The following DNER variants were observed in gnomAD, a reference collection of about 807,000 sequenced individuals.
The protein encoded by DNER is delta/notch like EGF repeat containing.
DNER carries 33 observed loss-of-function variants against 78.2 expected under a neutral mutation model. The ratio of observed to expected loss-of-function variants is 0.42; its 90% CI spans 0.32 to 0.56. DNER has a LOEUF of 0.56. Among genes scored for constraint, DNER ranks in the 20% least tolerant of loss-of-function variants. The pLI is 0.11. For missense variants in DNER, 918 were observed against 975.3 expected (o/e 0.94, Z 0.78); for synonymous variants, 417 against 384.8 (o/e 1.08, Z -0.98).
intron 7 of DNER, among the ~76,000 whole-genome samples, chr2:229,455,165 G>A (rs192364285): frequency 1.3e-5 from 2 of 152,144 alleles, no homozygotes; most frequent in East Asian, 3.9e-4. Flanking sequence ...TTTTACAAAT[G>A]ACTCACATCT....
At chr2:229,635,414 A>C (rs1347736134) in intron 1 of DNER, among the ~76,000 whole-genome samples, 3 of 151,254 alleles carry the variant, frequency 2.0e-5, no homozygotes, top group East Asian at 2.0e-4. Context: ...ATGTCTACCA[A>C]GGGTACAAAG....
rs545503007 is a variant in DNER at position 229,429,432 on chromosome 2, G to C, written c.1487-11202C>G. 2.0e-4 allele frequency among the ~76,000 whole-genome samples: 30 copies of C among 152,220 alleles called. No homozygotes were observed. The South Asian group carries it at 6.3e-3, about 32-fold the overall frequency. On this transcript the variant is annotated intron_variant, in intron 8 of 12. Transcript: ENST00000341772. ...GGAGGAGTTTCTGCCTCTCCCTTAG[G>C]AGGACACGGGCCTGGCATTGTCCGT...
rs562384615 is a variant in DNER, at chr2:229,487,537, A to C, written c.1148-10284T>G. On this transcript the variant is annotated intron_variant, in intron 6 of 12. Transcript: ENST00000341772. Reference sequence around the variant, plus strand: ...TGACTACTCCTGAGAAGTTGAAATCAAAAGAAAGAAAACATTAGATTAATT... The same window carrying C: ...TGACTACTCCTGAGAAGTTGAAATCCAAAGAAAGAAAACATTAGATTAATT... 1.7e-4 allele frequency among the ~76,000 whole-genome samples: 26 copies of C among 152,386 alleles called. No individual in the cohort carries two copies. In the East Asian group the frequency reaches 3.1e-3, roughly 18 times the overall value.
At chr2:229,700,100 A>AT in intron 1 of DNER, among the ~76,000 whole-genome samples, 1 of 152,198 alleles carries the variant, frequency 6.6e-6, no homozygotes, top group East Asian at 1.9e-4. Flanking sequence ...CTCATTCATA[A>AT]TTTTTTAAAT....
rs978813466 is a variant in DNER at position 229,560,838 on chromosome 2, G to A, written c.848-13746C>T. On this transcript the variant is annotated intron_variant, in intron 4 of 12. Transcript: ENST00000341772. ...GGACTCAGATGTCCTTCCATTACACGTAAGCAGAACGCAGTCCAAACCAGG... is the reference window on the plus strand; with the variant it reads ...GGACTCAGATGTCCTTCCATTACACATAAGCAGAACGCAGTCCAAACCAGG... 2.6e-5 allele frequency among the ~76,000 whole-genome samples: 4 copies of A among 152,170 alleles called. No homozygotes were observed. In the East Asian group the frequency reaches 5.8e-4, roughly 22 times the overall value.
chr2:229,622,064 C>T (rs541189754), intron 1 of DNER, among the ~76,000 whole-genome samples: 9 of 151,996 alleles, frequency 5.9e-5, no homozygotes, highest in Non-Finnish European at 1.2e-4. Context: ...CCAGCCTGGG[C>T]GACAGAGCGA....
chr2:229,575,554 G>A (rs561043896), intron 4 of DNER, among the ~76,000 whole-genome samples: 2 of 152,260 alleles, frequency 1.3e-5, no homozygotes, highest in South Asian at 2.1e-4. Flanking sequence ...GGGGGACCAG[G>A]GATCTTCCTT....
intron 11 of DNER, among the ~76,000 whole-genome samples, chr2:229,378,279 A>G (rs1011565631): frequency 2.0e-5 from 3 of 152,158 alleles, no homozygotes; most frequent in Admixed American, 2.0e-4. Flanking sequence ...AAGCCACTCA[A>G]TTTGTGGTAA....
chr2:229,572,169 C>A (rs1697229535), intron 4 of DNER, among the ~76,000 whole-genome samples: 1 of 152,160 alleles, frequency 6.6e-6, no homozygotes, highest in East Asian at 1.9e-4. Context: ...TTCCCCTTTA[C>A]CCCAAATGCC....
intron 5 of DNER, among the ~76,000 whole-genome samples, chr2:229,530,275 C>G (rs1696278592): frequency 6.6e-6 from 1 of 152,096 alleles, no homozygotes; most frequent in Non-Finnish European, 1.5e-5. Flanking sequence ...TGCCACTGTG[C>G]AAAAACAAAA....
chr2:229,533,176 A>G (rs1033932880), intron 5 of DNER, among the ~76,000 whole-genome samples: 1 of 152,230 alleles, frequency 6.6e-6, no homozygotes, highest in African/African-American at 2.4e-5. Flanking sequence ...AACAAAGTAA[A>G]AACAGAAATC....
intron 4 of DNER, among the ~76,000 whole-genome samples, chr2:229,585,058 G>A (rs1697473887): frequency 1.3e-5 from 2 of 152,264 alleles, no homozygotes; most frequent in South Asian, 4.2e-4. Context: ...CCCAAAGAGA[G>A]CTATAATCCC....
At chr2:229,548,516 C>A (rs141252427) in intron 4 of DNER, among the ~76,000 whole-genome samples, 1 of 152,108 alleles carries the variant, frequency 6.6e-6, no homozygotes, top group East Asian at 1.9e-4. Flanking sequence ...ACCACATGTT[C>A]TCACTTATAG....
At chr2:229,597,800 T>C (rs1697749465) in intron 1 of DNER, among the ~76,000 whole-genome samples, 1 of 152,220 alleles carries the variant, frequency 6.6e-6, no homozygotes, top group South Asian at 2.1e-4. Flanking sequence ...TTTTTTCACA[T>C]CATAGAACTA....
intron 1 of DNER, among the ~76,000 whole-genome samples, chr2:229,699,793 A>G (rs1022440324): frequency 2.0e-5 from 3 of 152,234 alleles, no homozygotes; most frequent in African/African-American, 7.2e-5. Flanking sequence ...ACAGTATGGT[A>G]ACAGTATAAA....
At chr2:229,359,076 G>A (rs1692155896) in intron 12 of DNER, among the ~76,000 whole-genome samples, 1 of 152,184 alleles carries the variant, frequency 6.6e-6, no homozygotes, top group Non-Finnish European at 1.5e-5. Context: ...TGGACAGACA[G>A]CCTTTCCTGT....
chr2:229,573,905 G>A lies in DNER; in HGVS notation c.847+11953C>T, dbSNP rs572612575. On this transcript the variant is annotated intron_variant, in intron 4 of 12. Transcript: ENST00000341772. ...CCACTACATTTACCATTACTCCAAT[G>A]TATAAATGCAATATTGTGATGAAAC... 1.7e-3 allele frequency among the ~76,000 whole-genome samples: 260 copies of A among 152,300 alleles called. 1 individual carries two copies. Among genetic ancestry groups the A allele is most frequent in the African/African-American group, 6.1e-3 (252 of 41,570 alleles).
At chr2:229,592,541 AATGTG>A (rs1461401017) in intron 1 of DNER, among the ~76,000 whole-genome samples, 2 of 152,180 alleles carry the variant, frequency 1.3e-5, no homozygotes, top group African/African-American at 4.8e-5. Flanking sequence ...ATTAGAGAGA[AATGTG>A]ACCCCTTCCC....
chr2:229,438,343 A>T (rs1694165128), intron 8 of DNER, among the ~76,000 whole-genome samples: 1 of 152,152 alleles, frequency 6.6e-6, no homozygotes, highest in Non-Finnish European at 1.5e-5. Flanking sequence ...AGGAGTCTGG[A>T]ATCTTGTTCT....
Sources: gnomAD v4.1 joint callset for allele counts (sites outside exome capture counted in the v4.1 genomes callset) on GRCh38, gnomAD v4.1.1 for gene constraint, MANE v1.5 for transcripts, NCBI Gene and HGNC (gene_info 2026-07-23, HGNC 2026-07-21) for gene names.